The following ZDHHC14 variants were observed in gnomAD, a reference collection of about 807,000 sequenced individuals.
ZDHHC14 encodes the protein zDHHC palmitoyltransferase 14.
ZDHHC14 carries 16 observed loss-of-function variants against 47.7 expected under a neutral mutation model. The ratio of observed to expected loss-of-function variants is 0.34; its 90% CI spans 0.23 to 0.51. The LOEUF (loss-of-function observed/expected upper bound fraction) is 0.51. Ranked by LOEUF, ZDHHC14 falls within the 20% of genes least tolerant of loss-of-function variation. The pLI is 0.97. For missense variants in ZDHHC14, 515 were observed against 662.5 expected, an observed-to-expected ratio of 0.78 and a Z score of 2.44; for synonymous variants, 293 against 278.9, an observed-to-expected ratio of 1.05 and a Z score of -0.50.
At chr6:157,492,207 C>G (rs983064705) in intron 1 of ZDHHC14, among the ~76,000 whole-genome samples, 1 of 101,936 alleles carries the variant, frequency 9.8e-6, no homozygotes, top group African/African-American at 3.8e-5. Flanking sequence ...TCCGCCCCCG[C>G]CCCCCAGCCA....
chr6:157,399,203 CTTCTT>C (rs1777581943), intron 1 of ZDHHC14, among the ~76,000 whole-genome samples: 1 of 59,276 alleles, frequency 1.7e-5, no homozygotes, highest in Non-Finnish European at 5.0e-5. Flanking sequence ...ATGTTTCACT[CTTCTT>C]TTGTTAGTAT....
intron 1 of ZDHHC14, among the ~76,000 whole-genome samples, chr6:157,526,581 C>T (rs1270085925): frequency 6.6e-6 from 1 of 152,218 alleles, no homozygotes; most frequent in Non-Finnish European, 1.5e-5. Context: ...TTTTCACTCT[C>T]TCATTTAGCC....
At chr6:157,459,455 T>A (rs1779011765) in intron 1 of ZDHHC14, among the ~76,000 whole-genome samples, 1 of 151,998 alleles carries the variant, frequency 6.6e-6, no homozygotes, top group South Asian at 2.1e-4. Flanking sequence ...ACAGTATGAG[T>A]CACAGAAGAA....
chr6:157,431,840 C>T (rs1778345210), intron 1 of ZDHHC14, among the ~76,000 whole-genome samples: 1 of 151,838 alleles, frequency 6.6e-6, no homozygotes, highest in African/African-American at 2.4e-5. Flanking sequence ...GGCGATCCTC[C>T]CACCTCAGCC....
At chr6:157,606,597 C>A (rs1784547807) in intron 3 of ZDHHC14, among the ~76,000 whole-genome samples, 1 of 152,234 alleles carries the variant, frequency 6.6e-6, no homozygotes, top group African/African-American at 2.4e-5. Flanking sequence ...CGCCCCATGG[C>A]CTCGAGAGAA....
chr6:157,624,377 A>G (rs942685680), intron 3 of ZDHHC14, among the ~76,000 whole-genome samples: 45 of 152,328 alleles, frequency 3.0e-4, no homozygotes, highest in African/African-American at 9.9e-4. Flanking sequence ...CTGAAAAGAA[A>G]GAATGCTGTC....
chr6:157,440,989 G>GA (rs1015677391), intron 1 of ZDHHC14, among the ~76,000 whole-genome samples: 7 of 152,052 alleles, frequency 4.6e-5, no homozygotes, highest in African/African-American at 1.7e-4. Flanking sequence ...CATAAAAAGG[G>GA]AAAAAAACAA....
intron 1 of ZDHHC14, among the ~76,000 whole-genome samples, chr6:157,443,963 A>C (rs1420113063): frequency 6.6e-6 from 1 of 152,104 alleles, no homozygotes; most frequent in Non-Finnish European, 1.5e-5. Context: ...TGAATATGGT[A>C]TTGTTATCTT....
chr6:157,531,672 G>A (rs1284864668), intron 1 of ZDHHC14, among the ~76,000 whole-genome samples: 2 of 151,974 alleles, frequency 1.3e-5, no homozygotes, highest in Non-Finnish European at 2.9e-5. Flanking sequence ...CTAGCACATG[G>A]TGCAGCTTGC....
At chr6:157,576,258 A>C (rs557934271) in intron 2 of ZDHHC14, among the ~76,000 whole-genome samples, 1 of 152,368 alleles carries the variant, frequency 6.6e-6, no homozygotes, top group East Asian at 1.9e-4. Context: ...ATAAGAATTC[A>C]TAAAGAAAAA....
In ZDHHC14 at chr6:157,538,146, C is replaced by T. The variant is rs1857816; in HGVS notation, c.246-4439C>T. 8.4e-3 allele frequency among the ~76,000 whole-genome samples: 1,273 copies of T among 152,256 alleles called. 62 individuals are homozygous for T. The East Asian group carries it at 0.13, about 16-fold the overall frequency. On this transcript the variant is annotated intron_variant, in intron 1 of 8. Transcript: ENST00000359775. ...CTGTCACACACAGAGGCTGGTGGAA[C>T]GGGACTGTCACAGAGCACCTAGCAT... is the stretch of plus-strand genomic sequence containing the variant.
At chr6:157,570,577 G>A (rs1303380075) in intron 2 of ZDHHC14, among the ~76,000 whole-genome samples, 1 of 152,102 alleles carries the variant, frequency 6.6e-6, no homozygotes, top group Non-Finnish European at 1.5e-5. Context: ...CAAGGGCAAG[G>A]CTTTGGCATC....
At chr6:157,660,493 C>T (rs368312139) in intron 8 of ZDHHC14, among the ~76,000 whole-genome samples, 13 of 152,298 alleles carry the variant, frequency 8.5e-5, no homozygotes, top group South Asian at 8.3e-4. Context: ...GCGCCTGGCC[C>T]CGGATGGTTT....
At chr6:157,529,489 C>T (rs1242504357) in intron 1 of ZDHHC14, among the ~76,000 whole-genome samples, 1 of 152,106 alleles carries the variant, frequency 6.6e-6, no homozygotes, top group African/African-American at 2.4e-5. Context: ...AACCACAGAG[C>T]TTGTTATTCT....
intron 3 of ZDHHC14, among the ~76,000 whole-genome samples, chr6:157,594,903 T>G (rs1177141688): frequency 6.6e-6 from 1 of 152,156 alleles, no homozygotes; most frequent in Non-Finnish European, 1.5e-5. Flanking sequence ...CACCCTTTCT[T>G]GGGTTGTAAT....
intron 8 of ZDHHC14, among the ~76,000 whole-genome samples, chr6:157,669,326 G>C (rs766434303): frequency 6.6e-6 from 1 of 152,070 alleles, no homozygotes; most frequent in Non-Finnish European, 1.5e-5. Flanking sequence ...GCACAAGAGA[G>C]GGGTGGTGGG....
intron 1 of ZDHHC14, among the ~76,000 whole-genome samples, chr6:157,518,895 G>C (rs1244730204): frequency 2.0e-5 from 3 of 152,182 alleles, no homozygotes; most frequent in Non-Finnish European, 2.9e-5. Context: ...TCCTCTCTTC[G>C]TGTGGGGCAC....
rs978470067 is a variant in ZDHHC14, at chr6:157,474,116, G to T, written c.246-68469G>T. ...CAATTCTCCTGCTTCAGCCTCCCGA[G>T]TGGCTGGGACTACAGGCACCCACCA... On this transcript the variant is annotated intron_variant, in intron 1 of 8. Coordinates refer to ENST00000359775, the MANE Select transcript of ZDHHC14 (RefSeq NM_024630.3). Among the ~76,000 whole-genome samples, 4 of 151,956 alleles carry T rather than the reference G, an allele frequency of 2.6e-5. No homozygotes were observed. In the East Asian group the frequency reaches 7.7e-4, roughly 29 times the overall value.
chr6:157,567,290 C>T (rs543903820), intron 2 of ZDHHC14, among the ~76,000 whole-genome samples: 2 of 152,226 alleles, frequency 1.3e-5, no homozygotes, highest in South Asian at 4.2e-4. Flanking sequence ...TCTTGTAATG[C>T]AATGATTCCG....
Sources: allele counts gnomAD v4.1 joint callset (sites outside exome capture counted in the v4.1 genomes callset), GRCh38; gene constraint gnomAD v4.1.1; transcripts MANE v1.5; gene names NCBI Gene and HGNC (gene_info 2026-07-23, HGNC 2026-07-21).